SLC31A1: variants seen among roughly 807,000 people sequenced by gnomAD.
SLC31A1 encodes the protein solute carrier family 31 member 1, also known as high affinity copper uptake protein 1.
Under a neutral mutation model 17.2 loss-of-function variants are expected in SLC31A1, and 5 were observed. That is an observed-to-expected ratio of 0.29 (90% confidence interval 0.15 to 0.61). SLC31A1 has a LOEUF of 0.61. Among genes scored for constraint, SLC31A1 ranks in the 20% least tolerant of loss-of-function variants. SLC31A1 has a pLI of 0.86. For synonymous variants in SLC31A1, 76 were observed against 78.8 expected (o/e 0.96, Z 0.19); for missense variants, 161 against 241.4 (o/e 0.67, Z 2.21).
intron 1 of SLC31A1, among the ~76,000 whole-genome samples, chr9:113,236,635 T>C (rs1264820242): frequency 1.3e-5 from 2 of 152,208 alleles, no homozygotes; most frequent in African/African-American, 4.8e-5. Context: ...GTGCTGGGAT[T>C]ACAGGCATGA....
chr9:113,248,862 A>T (rs1831614801), intron 1 of SLC31A1, among the ~76,000 whole-genome samples: 1 of 152,180 alleles, frequency 6.6e-6, no homozygotes, highest in African/African-American at 2.4e-5. Context: ...TCAAGTGAGG[A>T]GAGAAACCCA....
intron 1 of SLC31A1, among the ~76,000 whole-genome samples, chr9:113,237,574 G>A (rs1252861608): frequency 2.0e-5 from 3 of 152,250 alleles, no homozygotes; most frequent in Admixed American, 6.5e-5. Flanking sequence ...ACCATGCTAC[G>A]AATAATGAAA....
chr9:113,244,653 T>C (rs1395439000), intron 1 of SLC31A1, among the ~76,000 whole-genome samples: 1 of 152,242 alleles, frequency 6.6e-6, no homozygotes, highest in Non-Finnish European at 1.5e-5. Context: ...TTATTATAGA[T>C]GATCCCTTGG....
At chr9:113,231,988 A>G (rs1293415160) in intron 1 of SLC31A1, among the ~76,000 whole-genome samples, 2 of 152,210 alleles carry the variant, frequency 1.3e-5, no homozygotes, top group Non-Finnish European at 2.9e-5. Context: ...AGGCAGTCCT[A>G]CCTTTCCAAA....
intron 1 of SLC31A1, among the ~76,000 whole-genome samples, chr9:113,229,782 T>C (rs1020987974): frequency 6.6e-6 from 1 of 152,228 alleles, no homozygotes; most frequent in African/African-American, 2.4e-5. Context: ...ATTTTCTTGG[T>C]AATATCTTAA....
chr9:113,242,202 T>C (rs1006805959), intron 1 of SLC31A1, among the ~76,000 whole-genome samples: 1 of 151,660 alleles, frequency 6.6e-6, no homozygotes, highest in Non-Finnish European at 1.5e-5. Flanking sequence ...AAAAAAAAAC[T>C]AGACGTTGGA....
At position 113,260,255 on chromosome 9, in the gene SLC31A1, C is replaced by A. The variant is rs759675756; in HGVS notation, c.372-17C>A. ...TCCTAGGAGTCCCTGATTGTTGTGT[C>A]CCTGTTTACTCTCCAGGCAACAGAT... On this transcript the variant is annotated splice_polypyrimidine_tract_variant and intron_variant, in intron 4 of 4. Transcript: ENST00000374212. 1 of 1,609,942 alleles carries A rather than the reference C, an allele frequency of 6.2e-7. No individual in the cohort carries two copies. Among genetic ancestry groups the A allele is most frequent in the Admixed American group, 1.7e-5 (1 of 59,986 alleles).
chr9:113,225,439 A>T (rs1479161492), intron 1 of SLC31A1, among the ~76,000 whole-genome samples: 5 of 152,242 alleles, frequency 3.3e-5, no homozygotes, highest in Non-Finnish European at 7.3e-5. Context: ...GAGTGTATGA[A>T]GTAAAAAGTT....
At chr9:113,259,009 G>A (rs1220357429) in intron 4 of SLC31A1, 147 bp downstream of exon 4, 6 of 830,982 alleles carry the variant, frequency 7.2e-6, no homozygotes, top group Non-Finnish European at 1.2e-5. Context: ...GTTTGGGTTT[G>A]TAGGTCATGA....
chr9:113,235,794 C>CT (rs766301000), intron 1 of SLC31A1, among the ~76,000 whole-genome samples: 2 of 152,336 alleles, frequency 1.3e-5, no homozygotes, highest in Non-Finnish European at 2.9e-5. Flanking sequence ...CAGCCTGACT[C>CT]TGAGAACAGA....
chr9:113,231,580 G>A (rs980841129), intron 1 of SLC31A1, among the ~76,000 whole-genome samples: 11 of 152,108 alleles, frequency 7.2e-5, no homozygotes, highest in South Asian at 6.2e-4. Context: ...AAAAAAAATG[G>A]GGAAATTATT....
intron 1 of SLC31A1, among the ~76,000 whole-genome samples, chr9:113,250,561 G>A (rs895473642): frequency 1.3e-5 from 2 of 149,904 alleles, no homozygotes; most frequent in African/African-American, 2.5e-5. Flanking sequence ...ATAGCACTGG[G>A]AGATATACCT....
intron 1 of SLC31A1, among the ~76,000 whole-genome samples, chr9:113,237,334 AT>A (rs1428711871): frequency 6.6e-6 from 1 of 152,200 alleles, no homozygotes; most frequent in Non-Finnish European, 1.5e-5. Flanking sequence ...CAAGGATTTC[AT>A]AGACTTGTCA....
chr9:113,261,988 T>A lies in SLC31A1; in HGVS notation c.*1515T>A, dbSNP rs1486093904. 6.5e-6 allele frequency: 1 copy of A among 152,696 alleles called. No individual in the cohort carries two copies. Among genetic ancestry groups the A allele is most frequent in the Non-Finnish European group, 1.5e-5 (1 of 68,050 alleles). The allele number at this position is 152,696 out of a possible 1,614,324, so 9.5% of individuals were successfully genotyped here. ...CCAAGCACACATGTGTGAAGGGCTA[T>A]AGCCAAAGTATTTTTACTAGCCTGT... is the stretch of plus-strand genomic sequence containing the variant. On this transcript the variant is annotated 3_prime_UTR_variant, in exon 5 of 5. Coordinates refer to ENST00000374212, the MANE Select transcript of SLC31A1 (RefSeq NM_001859.4).
rs184954327 is a variant in SLC31A1, at chr9:113,247,116, T to C, written c.-35-8998T>C. Reference sequence around the variant, plus strand: ...CATCCCTGTTTATGGTAGTGTACTGTCTTTGACCTTGAATTTTCTGTATAA... The same window carrying C: ...CATCCCTGTTTATGGTAGTGTACTGCCTTTGACCTTGAATTTTCTGTATAA... On this transcript the variant is annotated intron_variant, in intron 1 of 4. Transcript: ENST00000374212. 2.7e-3 allele frequency among the ~76,000 whole-genome samples: 412 copies of C among 152,330 alleles called. 4 individuals are homozygous for C. Among genetic ancestry groups the C allele is most frequent in the African/African-American group, 9.5e-3 (393 of 41,574 alleles).
At chr9:113,251,955 A>G (rs1029815457) in intron 1 of SLC31A1, among the ~76,000 whole-genome samples, 10 of 152,206 alleles carry the variant, frequency 6.6e-5, no homozygotes, top group Admixed American at 6.5e-4. Flanking sequence ...ATTACAATAT[A>G]TCCATTGTCT....
intron 1 of SLC31A1, among the ~76,000 whole-genome samples, chr9:113,224,424 G>C (rs1166128346): frequency 6.7e-6 from 1 of 148,564 alleles, no homozygotes; most frequent in Non-Finnish European, 1.5e-5. Context: ...TTATCTGTAT[G>C]CTCACTTTTT....
rs567982266 is a variant in SLC31A1 at position 113,231,292 on chromosome 9, G to C, written c.-36+9614G>C. 9.0e-4 allele frequency among the ~76,000 whole-genome samples: 137 copies of C among 152,226 alleles called. 1 individual carries two copies. The highest frequency in any genetic ancestry group is 3.3e-3 in the African/African-American group (136 of 41,542). On this transcript the variant is annotated intron_variant, in intron 1 of 4. Coordinates refer to ENST00000374212, the MANE Select transcript of SLC31A1 (RefSeq NM_001859.4). ...CGCTTAAAAATTGGGGGCCGGGTAC[G>C]GTGGCTTACACCTGTAATCCGAGCA...
intron 1 of SLC31A1, among the ~76,000 whole-genome samples, chr9:113,230,579 CATA>C (rs1030466804): frequency 1.3e-5 from 2 of 152,154 alleles, no homozygotes; most frequent in Non-Finnish European, 2.9e-5. Context: ...TTAATTAATA[CATA>C]ATAATTGTAC....
Sources: gnomAD v4.1 joint callset for allele counts (sites outside exome capture counted in the v4.1 genomes callset) on GRCh38, gnomAD v4.1.1 for gene constraint, MANE v1.5 for transcripts, NCBI Gene and HGNC (gene_info 2026-07-23, HGNC 2026-07-21) for gene names.